MTCL3: variants seen among roughly 807,000 people sequenced by gnomAD.
The protein encoded by MTCL3 is MTCL family member 3.
the MTCL3 span, chr6:127,516,761 G>T: frequency 7.4e-7 from 1 of 1,350,212 alleles, no homozygotes; most frequent in Non-Finnish European, 9.8e-7. Flanking sequence ...GCAGAGCAAA[G>T]GGTGATATTG....
chr6:127,481,475 T>G, the MTCL3 span: 2 of 985,272 alleles, frequency 2.0e-6, no homozygotes, highest in Non-Finnish European at 2.4e-6. Context: ...CTGGTGCAAG[T>G]ACCAGGAGAA....
the MTCL3 span, chr6:127,514,754 A>G: frequency 1.5e-6 from 2 of 1,318,882 alleles, no homozygotes; most frequent in East Asian, 2.4e-5. Flanking sequence ...TTCTCAGCCT[A>G]AAGAGCCCTT....
At chr6:127,515,498 C>T in the MTCL3 span, 1 of 1,422,484 alleles carries the variant, frequency 7.0e-7, no homozygotes, top group South Asian at 1.6e-5. This position sits in a 1 kb window ranked among gnomAD's most constrained non-coding sequence, Gnocchi z 4.3. Flanking sequence ...CAGCCGGGTC[C>T]CCCCACCCTC....
chr6:127,513,777 G>A, the MTCL3 span, among the ~76,000 whole-genome samples: 1 of 152,058 alleles, frequency 6.6e-6, no homozygotes, highest in South Asian at 2.1e-4. Flanking sequence ...CCAGGCCTGG[G>A]CACTTAACCT....
chr6:127,474,351 C>T, the MTCL3 span, among the ~76,000 whole-genome samples: 1 of 152,106 alleles, frequency 6.6e-6, no homozygotes. Context: ...AATCTTGGCT[C>T]ACTGCAACCT....
chr6:127,481,076 G>GT, the MTCL3 span, among the ~76,000 whole-genome samples: 1 of 152,212 alleles, frequency 6.6e-6, no homozygotes, highest in Admixed American at 6.5e-5. Context: ...AGTTGTGGAT[G>GT]TTTTTGCAGA....
chr6:127,483,472 G>C, the MTCL3 span, among the ~76,000 whole-genome samples: 1,971 of 152,124 alleles, frequency 0.013, 59 homozygotes, highest in African/African-American at 0.045. Context: ...GCTCCTCCTC[G>C]ACACGTGCAA....
the MTCL3 span, among the ~76,000 whole-genome samples, chr6:127,505,598 T>C: frequency 1.3e-5 from 2 of 152,106 alleles, no homozygotes; most frequent in Non-Finnish European, 2.9e-5. Context: ...GATGAAATAA[T>C]CTGTACAACA....
the MTCL3 span, among the ~76,000 whole-genome samples, chr6:127,478,087 A>C: frequency 6.6e-6 from 1 of 152,248 alleles, no homozygotes; most frequent in Admixed American, 6.5e-5. Context: ...CCTTAGCAGC[A>C]TCCAGAGAGG....
the MTCL3 span, chr6:127,475,762 C>T: frequency 6.2e-7 from 1 of 1,606,082 alleles, no homozygotes; most frequent in Non-Finnish European, 8.5e-7. The surrounding 1 kb of genome is among the most constrained non-coding windows in gnomAD (Gnocchi z 7.3). Context: ...GCCCGCGTCG[C>T]TCTCGGCGTC....
chr6:127,503,310 C>A, the MTCL3 span, among the ~76,000 whole-genome samples: 1 of 152,146 alleles, frequency 6.6e-6, no homozygotes, highest in Non-Finnish European at 1.5e-5. Context: ...AGGCTATTAA[C>A]AACATAATTA....
At chr6:127,493,563 T>C in the MTCL3 span, among the ~76,000 whole-genome samples, 1 of 152,186 alleles carries the variant, frequency 6.6e-6, no homozygotes. Context: ...GTTTATGTCA[T>C]GAAGGCAGAG....
chr6:127,473,482 C>A, the MTCL3 span: 2 of 1,033,678 alleles, frequency 1.9e-6, no homozygotes, highest in Non-Finnish European at 2.7e-6. Context: ...AGTAGTCATT[C>A]AACTTAAAAA....
At chr6:127,502,245 G>A in the MTCL3 span, among the ~76,000 whole-genome samples, 1 of 152,140 alleles carries the variant, frequency 6.6e-6, no homozygotes, top group Non-Finnish European at 1.5e-5. Context: ...GACCACTTTT[G>A]ATCAAAGAAC....
chr6:127,481,337 G>A, the MTCL3 span: 1 of 985,358 alleles, frequency 1.0e-6, no homozygotes, highest in East Asian at 1.1e-4. Flanking sequence ...AGACAGAGTG[G>A]AAAAGCTGTA....
At chr6:127,494,944 T>G in the MTCL3 span, among the ~76,000 whole-genome samples, 98 of 152,244 alleles carry the variant, frequency 6.4e-4, no homozygotes, top group African/African-American at 2.3e-3. Context: ...ACACCTGTAA[T>G]CCCAGCACTT....
chr6:127,512,437 T>G, the MTCL3 span, among the ~76,000 whole-genome samples: 9,819 of 152,238 alleles, frequency 0.064, 365 homozygotes, highest in East Asian at 0.11. Flanking sequence ...TTGCTATATA[T>G]AGACTTCAAG....
At chr6:127,475,402 T>G in the MTCL3 span, 1 of 1,613,308 alleles carries the variant, frequency 6.2e-7, no homozygotes, top group Admixed American at 1.7e-5. This position sits in a 1 kb window ranked among gnomAD's most constrained non-coding sequence, Gnocchi z 7.3. Context: ...CATCTGAGCG[T>G]TGATGCGGTA....
chr6:127,493,035 A>G, the MTCL3 span, among the ~76,000 whole-genome samples: 1 of 152,164 alleles, frequency 6.6e-6, no homozygotes, highest in Non-Finnish European at 1.5e-5. Flanking sequence ...TTTATTCTTC[A>G]TTTTTAGGAA....
Sources: allele counts gnomAD v4.1 joint callset (sites outside exome capture counted in the v4.1 genomes callset), GRCh38; gene constraint gnomAD v4.1.1; non-coding constraint Gnocchi (gnomAD v3.1); transcripts MANE v1.5; gene names NCBI Gene and HGNC (gene_info 2026-07-23, HGNC 2026-07-21).